Variants in CLCA1 observed in about 807,000 individuals in gnomAD.
The protein encoded by CLCA1 is calcium-activated chloride channel regulator 1.
Under a neutral mutation model 85.6 loss-of-function variants are expected in CLCA1, and 59 were observed. The ratio of observed to expected loss-of-function variants is 0.69; its 90% CI spans 0.56 to 0.86. The LOEUF is 0.86. Among genes scored for constraint, CLCA1 ranks in the 40% least tolerant of loss-of-function variants. The pLI is 0.00. For synonymous variants in CLCA1, 396 were observed against 398.3 expected (o/e 0.99, Z 0.07); for missense variants, 1,022 against 1,101.4 (o/e 0.93, Z 1.02).
chr1:86,498,205 A>AGGAAGGAAGGAG (rs1317650220), intron 12 of CLCA1, among the ~76,000 whole-genome samples: 1 of 151,042 alleles, frequency 6.6e-6, no homozygotes, highest in Non-Finnish European at 1.5e-5. Flanking sequence ...GAAGGAAGGA[A>AGGAAGGAAGGAG]GGAAAAAACA....
At chr1:86,491,978 T>C (rs972553340) in intron 9 of CLCA1, among the ~76,000 whole-genome samples, 1 of 152,060 alleles carries the variant, frequency 6.6e-6, no homozygotes, top group Admixed American at 6.6e-5. Context: ...TGGTCTAAAA[T>C]TTCAAGAAAA....
At chr1:86,493,956 C>A (rs1182164635) in intron 10 of CLCA1, among the ~76,000 whole-genome samples, 1 of 152,074 alleles carries the variant, frequency 6.6e-6, no homozygotes, top group Non-Finnish European at 1.5e-5. Flanking sequence ...GCTTTCAGAC[C>A]TCACCATCCC....
chr1:86,496,949 C>T lies in CLCA1; in HGVS notation c.2113+1274C>T, dbSNP rs5744417. On this transcript the variant is annotated intron_variant, in intron 12 of 13. Coordinates refer to ENST00000394711, the MANE Select transcript of CLCA1 (RefSeq NM_001285.4). ...TTCACCATGTTGGCCAGGATGGTCT[C>T]GATCTCTTGACCTTGTGATCTGCCC... 3.5e-3 allele frequency among the ~76,000 whole-genome samples: 529 copies of T among 152,184 alleles called. 8 individuals are homozygous for T. The highest frequency in any genetic ancestry group is 0.012 in the African/African-American group (492 of 41,522).
Position 86,473,893 on chromosome 1 carries a change from C to G in CLCA1, c.451+17C>G. The G allele has an allele frequency of 6.4e-7, 1 of 1,556,728 alleles. No individual in the cohort carries two copies. Among genetic ancestry groups the G allele is most frequent in the Non-Finnish European group, 8.7e-7 (1 of 1,145,108 alleles). ...GACCACAAGGTATGAAATATTCTACCATACTTCTCATACAATTTAACTATT... is the reference window on the plus strand; with the variant it reads ...GACCACAAGGTATGAAATATTCTACGATACTTCTCATACAATTTAACTATT... On this transcript the variant is annotated intron_variant, in intron 3 of 13. Transcript: ENST00000394711.
chr1:86,495,520 A>G lies in CLCA1; in HGVS notation c.1958A>G (p.Lys653Arg), dbSNP rs775268002. The G allele has an allele frequency of 1.9e-6, 3 of 1,613,146 alleles. No individual in the cohort carries two copies. Among genetic ancestry groups the G allele is most frequent in the Non-Finnish European group, 2.5e-6 (3 of 1,179,266 alleles). ...LDNGAGADAT[K>R]DDGVYSRYFT... ...CTTTATCAAGGTGCTGATGCTACTA[A>G]GGATGACGGTGTCTACTCAAGGTAT... Residue 653 changes from lysine (K) to arginine (R), a missense_variant, in exon 12 of 14, where the codon AAG becomes AGG. Coordinates refer to ENST00000394711, the MANE Select transcript of CLCA1 (RefSeq NM_001285.4).
chr1:86,473,760 C>G lies in CLCA1; in HGVS notation c.335C>G (p.Pro112Arg). ...ADVLVAESTP[P>R]GNDEPYTEQM... ...GTTCTGGTTGCTGAGTCTACTCCTC[C>G]AGGTAATGATGAACCCTACACTGAG... Residue 112 changes from proline (P) to arginine (R), a missense_variant, in exon 3 of 14, where the codon CCA becomes CGA. Coordinates refer to ENST00000394711, the MANE Select transcript of CLCA1 (RefSeq NM_001285.4). The G allele has an allele frequency of 6.3e-7, 1 of 1,597,242 alleles. No individual in the cohort carries two copies.
rs1031238318 is a variant in CLCA1 at position 86,494,445 on chromosome 1, G to A, written c.1939G>A (p.Ala647Thr). Reference protein sequence around the residue: ...TVTLELLDNGAGADATKDDGV... With the variant: ...TVTLELLDNGTGADATKDDGV... ...TACCTTGGAACTACTGGATAATGGA[G>A]CAGGTAATCACCCAAGAAATTGGAA... is the stretch of plus-strand genomic sequence containing the variant. Residue 647 changes from alanine to threonine, a missense_variant, in exon 11 of 14, where the codon GCA becomes ACA. Coordinates refer to ENST00000394711, the MANE Select transcript of CLCA1 (RefSeq NM_001285.4). The A allele has an allele frequency of 6.2e-7, 1 of 1,613,676 alleles. No individual in the cohort carries two copies. The highest frequency in any genetic ancestry group is 8.5e-7 in the Non-Finnish European group (1 of 1,179,690).
intron 12 of CLCA1, among the ~76,000 whole-genome samples, chr1:86,497,529 T>C (rs1165671766): frequency 6.6e-6 from 1 of 152,182 alleles, no homozygotes; most frequent in Admixed American, 6.5e-5. Context: ...CCAGGATTAC[T>C]TTTATACATG....
In CLCA1 at chr1:86,493,389, G is replaced by C. The variant is rs746712670; in HGVS notation, c.1470G>C (p.Glu490Asp). 5 of 1,613,266 alleles carry C rather than the reference G, an allele frequency of 3.1e-6. No homozygotes were observed. In the Admixed American group the frequency reaches 8.3e-5, roughly 27 times the overall value. ...AGAGCTGTTTTTCTTAACAGCTTGA[G>C]AGTAAGGGATTAACCCTCCAGAACA... ...GAVSQRSIQL[E>D]SKGLTLQNSQ... is the part of the protein sequence containing the mutation. Residue 490 changes from glutamate (E) to aspartate (D), a missense_variant, in exon 10 of 14, where the codon GAG becomes GAC. By Grantham distance (45) the Glu-to-Asp change is conservative. Transcript: ENST00000394711.
At chr1:86,475,512 G>T (rs756302652) in intron 3 of CLCA1, among the ~76,000 whole-genome samples, 1 of 152,150 alleles carries the variant, frequency 6.6e-6, no homozygotes, top group African/African-American at 2.4e-5. Context: ...TTTCTATTGT[G>T]GGAGACTGGC....
chr1:86,491,786 C>T lies in CLCA1; in HGVS notation c.1464+415C>T, dbSNP rs1252748765. Among the ~76,000 whole-genome samples the T allele has an allele frequency of 3.3e-5, 5 of 152,224 alleles. No homozygotes were observed. The East Asian group carries it at 5.8e-4, about 18-fold the overall frequency. On this transcript the variant is annotated intron_variant, in intron 9 of 13. Coordinates refer to ENST00000394711, the MANE Select transcript of CLCA1 (RefSeq NM_001285.4). ...CATTACATCAAATTTCTGTTGTTTG[C>T]CAAGATTTACATATAATGGACAGAA...
chr1:86,486,839 C>A, intron 7 of CLCA1, 86 bp downstream of exon 7: 1 of 1,176,800 alleles, frequency 8.5e-7, no homozygotes, highest in Non-Finnish European at 1.3e-6. Context: ...TCCATACATG[C>A]CTAGGGTCCA....
intron 12 of CLCA1, among the ~76,000 whole-genome samples, chr1:86,497,313 C>T (rs944117136): frequency 5.9e-5 from 9 of 152,290 alleles, no homozygotes; most frequent in African/African-American, 1.9e-4. Flanking sequence ...CCTGCTAGAG[C>T]ATTCACTTCA....
Position 86,494,317 on chromosome 1 carries a change from T to C in CLCA1, c.1811T>C (p.Phe604Ser), listed in dbSNP as rs1648216861. The C allele has an allele frequency of 6.2e-7, 1 of 1,613,916 alleles. No individual in the cohort carries two copies. Among genetic ancestry groups the C allele is most frequent in the Non-Finnish European group, 8.5e-7 (1 of 1,180,012 alleles). Reference protein sequence around the residue: ...TSKTNKDTSKFPSPLVVYANI... With the variant: ...TSKTNKDTSKSPSPLVVYANI... The stretch of plus-strand genomic sequence containing the variant: ...AAAACGAACAAGGACACCAGCAAAT[T>C]CCCCAGCCCTCTGGTAGTTTATGCA... Residue 604 changes from phenylalanine (F) to serine (S), a missense_variant, in exon 11 of 14, where the codon TTC becomes TCC. By Grantham distance (155) the Phe-to-Ser change is radical. Transcript: ENST00000394711.
chr1:86,495,782 C>T (rs149779751), intron 12 of CLCA1, 107 bp downstream of exon 12: 36 of 1,047,880 alleles, frequency 3.4e-5, no homozygotes, highest in Non-Finnish European at 4.4e-5. Context: ...CAGGGTTTCT[C>T]AACCTTGGCA....
At chr1:86,497,458 TGAAAA>T (rs1263073867) in intron 12 of CLCA1, among the ~76,000 whole-genome samples, 1 of 152,206 alleles carries the variant, frequency 6.6e-6, no homozygotes, top group African/African-American at 2.4e-5. Context: ...ATATTTTTAT[TGAAAA>T]GAAAAGAGAA....
In CLCA1 at chr1:86,499,875, A is replaced by G; in HGVS notation, c.2575A>G (p.Ile859Val). 6.2e-7 allele frequency: 1 copy of G among 1,613,988 alleles called. No homozygotes were observed. The highest frequency in any genetic ancestry group is 8.5e-7 in the Non-Finnish European group (1 of 1,179,834). Residue 859 changes from isoleucine to valine, a missense_variant, in exon 14 of 14, where the codon ATT (isoleucine) becomes GTT (valine). Ile to Val is a conservative substitution (Grantham distance 29). Transcript: ENST00000394711. The stretch of plus-strand genomic sequence containing the variant: ...CGATCTGAAATCAGAAATATCCAAC[A>G]TTGCACGAGTATCTTTGTTTATTCC... Reference protein sequence around the residue: ...KVDLKSEISNIARVSLFIPPQ... With the variant: ...KVDLKSEISNVARVSLFIPPQ...
rs199731483 is a variant in CLCA1, at chr1:86,493,387, G to C, written c.1468G>C (p.Glu490Gln). 1 of 1,612,826 alleles carries C rather than the reference G, an allele frequency of 6.2e-7. No homozygotes were observed. Among genetic ancestry groups the C allele is most frequent in the East Asian group, 2.2e-5 (1 of 44,878 alleles). The change falls in exon 10 of 14, where the codon GAG becomes CAG. Residue 490 changes from glutamate to glutamine, a missense_variant. Coordinates refer to ENST00000394711, the MANE Select transcript of CLCA1 (RefSeq NM_001285.4). ...GAVSQRSIQL[E>Q]SKGLTLQNSQ... ...TAAGAGCTGTTTTTCTTAACAGCTT[G>C]AGAGTAAGGGATTAACCCTCCAGAA...
intron 4 of CLCA1, 48 bp downstream of exon 4, chr1:86,476,601 C>A (rs770442703): frequency 5.4e-6 from 5 of 927,642 alleles, no homozygotes; most frequent in Admixed American, 2.1e-5. Context: ...TAAATTGCAA[C>A]CTTTTTTTCT....
Sources: gnomAD v4.1 joint callset for allele counts (sites outside exome capture counted in the v4.1 genomes callset) on GRCh38, gnomAD v4.1.1 for gene constraint, MANE v1.5 for transcripts, NCBI Gene and HGNC (gene_info 2026-07-23, HGNC 2026-07-21) for gene names.